Variants in TGFB3 observed in about 807,000 individuals in gnomAD.
TGFB3 encodes transforming growth factor beta 3.
In TGFB3, 5 loss-of-function variants were observed where a neutral mutation model predicts 40.1. The observed-to-expected ratio is 0.12, with a 90% CI of 0.07 to 0.26. TGFB3 has a LOEUF of 0.26. Among genes scored for constraint, TGFB3 ranks in the 10% least tolerant of loss-of-function variants. The probability of loss-of-function intolerance (pLI) is 1.00; values close to 1 mark genes in which losing one functional copy is unlikely to be tolerated. For synonymous variants in TGFB3, 184 were observed against 205.6 expected (o/e 0.89, Z 0.90); for missense variants, 373 against 530.1 (o/e 0.70, Z 2.91).
intron 5 of TGFB3, 44 bp from the exon 6 acceptor site, chr14:75,961,120 A>T: frequency 6.2e-7 from 1 of 1,610,066 alleles, no homozygotes; most frequent in South Asian, 1.1e-5. Flanking sequence ...AAAACCACCA[A>T]TAAAAGAAAC....
In TGFB3 at chr14:75,980,995, G is replaced by T. The variant is rs2035423718; in HGVS notation, c.-102C>A. 1 of 1,042,228 alleles carries T rather than the reference G, an allele frequency of 9.6e-7. No individual in the cohort carries two copies. Among genetic ancestry groups the T allele is most frequent in the Non-Finnish European group, 1.5e-6 (1 of 677,922 alleles). The allele number at this position is 1,042,228 out of a possible 1,614,324, so 64.6% of individuals were successfully genotyped here. ...GGAGGAAAACCAGGCGGCCTCCCCA[G>T]ATCCCAAAGACTGAGGCTTGGCAAG... On this transcript the variant is annotated 5_prime_UTR_variant, in exon 1 of 7. The change creates a new upstream start codon in the 5' untranslated region. Transcript: ENST00000238682. The surrounding 1 kb of genome is among the most constrained non-coding windows in gnomAD (Gnocchi z 4.3).
chr14:75,964,753 G>C (rs2035201680), intron 4 of TGFB3, among the ~76,000 whole-genome samples: 1 of 152,142 alleles, frequency 6.6e-6, no homozygotes, highest in Non-Finnish European at 1.5e-5. Context: ...TGTAGGTAAG[G>C]ACTCCAAAGG....
At chr14:75,974,324 A>G (rs4252322) in intron 1 of TGFB3, among the ~76,000 whole-genome samples, 111,198 of 151,712 alleles carry the variant, frequency 0.73, 42,239 homozygotes, top group Non-Finnish European at 0.83. Context: ...GGATGAACAC[A>G]TCCTGGGGAG....
At chr14:75,982,871 G>T (rs1455115494), upstream of TGFB3, 2 of 152,392 alleles carry the variant, frequency 1.3e-5, no homozygotes, top group African/African-American at 4.8e-5. This position sits in a 1 kb window ranked among gnomAD's most constrained non-coding sequence, Gnocchi z 4.0. Flanking sequence ...CCCCGCCGAG[G>T]TCTCCGCAGG....
chr14:75,964,564 C>T (rs890294161), intron 4 of TGFB3, among the ~76,000 whole-genome samples: 2 of 152,174 alleles, frequency 1.3e-5, no homozygotes, highest in African/African-American at 4.8e-5. Context: ...TCCATCCTCA[C>T]TGAGGACAGG....
In TGFB3 at chr14:75,973,497, G is replaced by A. The variant is rs202115999; in HGVS notation, c.353-1779C>T. ...AAACCATTTCAGATAGAACCAAGGA[G>A]AGAAATCAGTGATAGTTAAGTAATG... On this transcript the variant is annotated intron_variant, in intron 1 of 6. Coordinates refer to ENST00000238682, the MANE Select transcript of TGFB3 (RefSeq NM_003239.5). Among the ~76,000 whole-genome samples, 6 of 152,374 alleles carry A rather than the reference G, an allele frequency of 3.9e-5. No homozygotes were observed. In the East Asian group the frequency reaches 1.2e-3, roughly 29 times the overall value.
chr14:75,980,087 A>T lies in TGFB3; in HGVS notation c.352+455T>A, dbSNP rs2035405624. 6.6e-6 allele frequency among the ~76,000 whole-genome samples: 1 copy of T among 152,190 alleles called. No homozygotes were observed. The highest frequency in any genetic ancestry group is 1.5e-5 in the Non-Finnish European group (1 of 68,038). ...CCAAGAACTGGAAAAACTGAAACGG[A>T]GACGTGTCACAATGAGTTGTGAAAA... is the stretch of plus-strand genomic sequence containing the variant. On this transcript the variant is annotated intron_variant, in intron 1 of 6. Transcript: ENST00000238682. The surrounding 1 kb of genome is among the most constrained non-coding windows in gnomAD (Gnocchi z 4.3).
rs1482592680 is a variant in TGFB3 at position 75,978,403 on chromosome 14, C to T, written c.352+2139G>A. Among the ~76,000 whole-genome samples the T allele has an allele frequency of 1.3e-5, 2 of 152,138 alleles. No individual in the cohort carries two copies. The highest frequency in any genetic ancestry group is 4.8e-5 in the African/African-American group (2 of 41,418). ...GTTAGTGTGCCTTGTGTGTCTGCCT[C>T]TCTGGGGTGGGCTCAGCACCCGACC... On this transcript the variant is annotated intron_variant, in intron 1 of 6. Coordinates refer to ENST00000238682, the MANE Select transcript of TGFB3 (RefSeq NM_003239.5). The surrounding 1 kb of genome is among the most constrained non-coding windows in gnomAD (Gnocchi z 5.0).
chr14:75,960,237 C>CGGCCT (rs1340804627), intron 6 of TGFB3: 1 of 152,590 alleles, frequency 6.6e-6, no homozygotes, highest in African/African-American at 2.4e-5. Context: ...CCACCGTGCC[C>CGGCCT]GGCCTATCTT....
Position 75,980,858 on chromosome 14 carries a change from C to T in TGFB3, c.36G>A (p.Leu12=), listed in dbSNP as rs752127081. The change falls in exon 1 of 7, where the codon CTG becomes CTA. Residue 12 remains leucine (L), a synonymous_variant. Transcript: ENST00000238682. This position sits in a 1 kb window ranked among gnomAD's most constrained non-coding sequence, Gnocchi z 4.3. ...TGACCGTGGCAAAGTTCAGCAGGGC[C>T]AGGACCACCAGAGCCCTTTGCAAGT... is the stretch of plus-strand genomic sequence containing the variant. ...KMHLQRALVV[L]ALLNFATVSL... 2.5e-6 allele frequency: 4 copies of T among 1,614,172 alleles called. No individual in the cohort carries two copies. The highest frequency in any genetic ancestry group is 3.4e-6 in the Non-Finnish European group (4 of 1,180,040).
intron 1 of TGFB3, among the ~76,000 whole-genome samples, chr14:75,974,171 C>T (rs953631345): frequency 6.6e-6 from 1 of 151,844 alleles, no homozygotes; most frequent in Admixed American, 6.6e-5. Flanking sequence ...GAAAATGGCA[C>T]TTGCTGGTGA....
chr14:75,975,788 C>A (rs1204237066), intron 1 of TGFB3, among the ~76,000 whole-genome samples: 1 of 152,152 alleles, frequency 6.6e-6, no homozygotes, highest in African/African-American at 2.4e-5. Flanking sequence ...ATGGTTTCAT[C>A]AACAAAATAT....
At chr14:75,973,750 T>C (rs1465287804) in intron 1 of TGFB3, among the ~76,000 whole-genome samples, 1 of 150,450 alleles carries the variant, frequency 6.6e-6, no homozygotes, top group African/African-American at 2.5e-5. Context: ...CTGTTTCAAG[T>C]AAATAAATAA....
In TGFB3 at chr14:75,959,218, T is replaced by C. The variant is rs1328879166; in HGVS notation, c.1208A>G (p.Asn403Ser). Residue 403 changes from asparagine to serine, a missense_variant, in exon 7 of 7, where the codon AAC becomes AGC. By Grantham distance (46) the Asn-to-Ser change is conservative (BLOSUM62 1). Transcript: ENST00000238682. ...GRTPKVEQLS[N>S]MVVKSCKCS ...ACATTTACAAGACTTCACCACCATGTTGGAGAGCTGCTCCACTTTGGGGGT... is the reference window on the plus strand; with the variant it reads ...ACATTTACAAGACTTCACCACCATGCTGGAGAGCTGCTCCACTTTGGGGGT... 6.2e-7 allele frequency: 1 copy of C among 1,614,158 alleles called. No individual in the cohort carries two copies. The highest frequency in any genetic ancestry group is 8.5e-7 in the Non-Finnish European group (1 of 1,180,026).
At chr14:75,966,458 C>T (rs1391166622) in intron 3 of TGFB3, 1 of 152,768 alleles carries the variant, frequency 6.5e-6, no homozygotes, top group African/African-American at 2.4e-5. Flanking sequence ...ATTACTTGGA[C>T]ATTTCTTCTT....
Position 75,979,465 on chromosome 14 carries a change from A to G in TGFB3, c.352+1077T>C, listed in dbSNP as rs1256843154. ...ACCTGCTGGTAGGAAAAGCAAACAGAGCTGCTCCCGGAGTCTACGGCCCAC... is the reference window on the plus strand; with the variant it reads ...ACCTGCTGGTAGGAAAAGCAAACAGGGCTGCTCCCGGAGTCTACGGCCCAC... On this transcript the variant is annotated intron_variant, in intron 1 of 6. Transcript: ENST00000238682. The surrounding 1 kb of genome is among the most constrained non-coding windows in gnomAD (Gnocchi z 4.8). Among the ~76,000 whole-genome samples, 1 of 152,102 alleles carries G rather than the reference A, an allele frequency of 6.6e-6. No individual in the cohort carries two copies. Among genetic ancestry groups the G allele is most frequent in the Admixed American group, 6.5e-5 (1 of 15,282 alleles).
chr14:75,977,989 G>C (rs2140251538), intron 1 of TGFB3, among the ~76,000 whole-genome samples: 1 of 152,114 alleles, frequency 6.6e-6, no homozygotes, highest in South Asian at 2.1e-4. Context: ...GGGAGAAAAG[G>C]TTATTTAGGA....
chr14:75,960,162 T>G (rs2035137975), intron 6 of TGFB3: 1 of 152,196 alleles, frequency 6.6e-6, no homozygotes, highest in African/African-American at 2.4e-5. Context: ...CAGGCTGGTC[T>G]CGAACTCCTG....
intron 3 of TGFB3, among the ~76,000 whole-genome samples, chr14:75,968,669 C>G (rs1374081992): frequency 6.6e-6 from 1 of 152,296 alleles, no homozygotes; most frequent in African/African-American, 2.4e-5. Flanking sequence ...GGCAGATCCA[C>G]GTGGGTTCTC....
Sources: gnomAD v4.1 joint callset for allele counts (sites outside exome capture counted in the v4.1 genomes callset) on GRCh38, gnomAD v4.1.1 for gene constraint, Gnocchi (gnomAD v3.1) non-coding constraint, MANE v1.5 for transcripts, NCBI Gene and HGNC (gene_info 2026-07-23, HGNC 2026-07-21) for gene names.